The following RDX variants were observed in gnomAD, a reference collection of about 807,000 sequenced individuals.
RDX encodes the protein radixin, also known as deafness, autosomal recessive 24.
A neutral mutation model predicts 83.7 loss-of-function variants in RDX; 32 were observed. The observed-to-expected ratio is 0.38, with a 90% CI of 0.29 to 0.51. The LOEUF (loss-of-function observed/expected upper bound fraction) is 0.51, where lower values mean the gene tolerates loss of function less well. Among genes scored for constraint, RDX ranks in the 20% least tolerant of loss-of-function variants. The probability of loss-of-function intolerance (pLI) is 0.87; values close to 1 mark genes in which losing one functional copy is unlikely to be tolerated. For synonymous variants in RDX, 229 were observed against 222.7 expected (o/e 1.03, Z -0.25); for missense variants, 600 against 689.9 (o/e 0.87, Z 1.46).
downstream of RDX, among the ~76,000 whole-genome samples, chr11:110,227,480 T>G (rs1043742721): frequency 6.6e-6 from 1 of 152,020 alleles, no homozygotes; most frequent in Non-Finnish European, 1.5e-5. Flanking sequence ...ACAATTAGAA[T>G]AGGGTGGTAA....
At chr11:110,275,782 CTT>C (rs36018441) in intron 2 of RDX, among the ~76,000 whole-genome samples, 4,112 of 117,112 alleles carry the variant, frequency 0.035, 101 homozygotes, top group African/African-American at 0.13. Context: ...TTTTACCATC[CTT>C]TTTTTTTTTT....
At chr11:110,242,520 G>C (rs552367646) in intron 10 of RDX, among the ~76,000 whole-genome samples, 74 of 149,902 alleles carry the variant, frequency 4.9e-4, no homozygotes, top group African/African-American at 1.7e-3. Context: ...AATTGTTTCT[G>C]TATTATGAGA....
At chr11:110,249,391 T>C (rs1308223251) in intron 9 of RDX, among the ~76,000 whole-genome samples, 1 of 152,178 alleles carries the variant, frequency 6.6e-6, no homozygotes, top group African/African-American at 2.4e-5. Context: ...TTTATAAACC[T>C]ACATTTTAAA....
intron 7 of RDX, among the ~76,000 whole-genome samples, chr11:110,257,345 A>G (rs1859586835): frequency 6.6e-6 from 1 of 152,066 alleles, no homozygotes; most frequent in Non-Finnish European, 1.5e-5. Context: ...AAAATCCTCT[A>G]AGATGTGATA....
At chr11:110,189,453 C>G (rs1237688044) in intron 15 of RDX, among the ~76,000 whole-genome samples, 1 of 151,996 alleles carries the variant, frequency 6.6e-6, no homozygotes, top group Non-Finnish European at 1.5e-5. Context: ...ATTAGATCAT[C>G]AAGGCAGAAA....
intron 9 of RDX, among the ~76,000 whole-genome samples, chr11:110,249,320 T>C (rs1859236829): frequency 6.6e-6 from 1 of 152,204 alleles, no homozygotes; most frequent in South Asian, 2.1e-4. Flanking sequence ...CTGTAGTTTC[T>C]CAACTTGCAG....
chr11:110,228,184 C>CT (rs1369585874), downstream of RDX, among the ~76,000 whole-genome samples: 2 of 151,988 alleles, frequency 1.3e-5, no homozygotes, highest in East Asian at 3.8e-4. Context: ...ATGTGTTAAT[C>CT]TTTAACATAT....
At chr11:110,267,112 C>T (rs1342872719) in intron 3 of RDX, among the ~76,000 whole-genome samples, 7 of 152,124 alleles carry the variant, frequency 4.6e-5, no homozygotes, top group Admixed American at 1.3e-4. Flanking sequence ...CTATGTTGCC[C>T]AGGCTGGTCT....
chr11:110,257,471 A>G (rs1295629447), intron 7 of RDX, among the ~76,000 whole-genome samples: 1 of 152,134 alleles, frequency 6.6e-6, no homozygotes, highest in Non-Finnish European at 1.5e-5. Context: ...CTATCGAGGG[A>G]GCAAATTTTA....
intron 14 of RDX, among the ~76,000 whole-genome samples, chr11:110,216,837 A>G (rs948451490): frequency 2.0e-5 from 3 of 152,164 alleles, no homozygotes; most frequent in African/African-American, 4.8e-5. Context: ...GTATAATCTG[A>G]AAGACTTCAC....
Position 110,233,447 on chromosome 11 carries a change from G to A in RDX, c.1377C>T (p.Thr459=). Residue 459 remains threonine, a synonymous_variant, in exon 13 of 14, where the codon ACC becomes ACT. Coordinates refer to ENST00000645495, the MANE Select transcript of RDX (RefSeq NM_002906.4). The part of the protein sequence containing the change: ...AFAAQEDLEK[T]KEELKTVMSA... ...ACATCACAGTTTTTAACTCTTCTTT[G>A]GTCTTTTCCAAGTCTTCCTGGGCTG... 1.2e-6 allele frequency: 2 copies of A among 1,613,870 alleles called. No individual in the cohort carries two copies. Among genetic ancestry groups the A allele is most frequent in the Non-Finnish European group, 1.7e-6 (2 of 1,179,966 alleles).
intron 1 of RDX, chr11:110,287,286 C>T (rs1464577858): frequency 1.3e-5 from 2 of 152,096 alleles, no homozygotes; most frequent in African/African-American, 4.8e-5. Flanking sequence ...CACTTGAACC[C>T]AGGAGTGATG....
intron 14 of RDX, among the ~76,000 whole-genome samples, chr11:110,204,585 C>T (rs532639103): frequency 7.1e-6 from 1 of 141,106 alleles, no homozygotes; most frequent in African/African-American, 2.6e-5. Flanking sequence ...GGCGCAAACT[C>T]GGCTCACTGC....
At chr11:110,220,158 T>C (rs1864195635) in intron 14 of RDX, among the ~76,000 whole-genome samples, 1 of 152,170 alleles carries the variant, frequency 6.6e-6, no homozygotes. Context: ...AAGAGAATCA[T>C]AACTAGAATC....
intron 10 of RDX, among the ~76,000 whole-genome samples, chr11:110,239,439 A>G (rs1403959293): frequency 1.3e-5 from 2 of 152,246 alleles, no homozygotes; most frequent in African/African-American, 4.8e-5. Context: ...TGTCTATCTA[A>G]AAAAGGACGA....
intron 7 of RDX, among the ~76,000 whole-genome samples, chr11:110,257,402 T>C (rs1183388412): frequency 6.6e-6 from 1 of 152,128 alleles, no homozygotes; most frequent in African/African-American, 2.4e-5. Context: ...ATTTCTTATG[T>C]ATGTTCAATT....
At chr11:110,249,237 C>G (rs891626769) in intron 9 of RDX, among the ~76,000 whole-genome samples, 1 of 152,180 alleles carries the variant, frequency 6.6e-6, no homozygotes, top group Non-Finnish European at 1.5e-5. Flanking sequence ...TGAAATTTAT[C>G]TGAGTATGCT....
At chr11:110,176,253 G>A (rs181440439) in intron 15 of RDX, among the ~76,000 whole-genome samples, 22 of 151,988 alleles carry the variant, frequency 1.4e-4, no homozygotes, top group Admixed American at 1.1e-3. Flanking sequence ...TAGTAGAGAC[G>A]GGGTTTCACC....
chr11:110,256,209 G>A (rs547976698), intron 7 of RDX, among the ~76,000 whole-genome samples: 1 of 152,246 alleles, frequency 6.6e-6, no homozygotes, highest in African/African-American at 2.4e-5. Flanking sequence ...ACATCTTTTA[G>A]CCAGGCTTCT....
Sources: gnomAD v4.1 joint callset for allele counts (sites outside exome capture counted in the v4.1 genomes callset) on GRCh38, gnomAD v4.1.1 for gene constraint, MANE v1.5 for transcripts, NCBI Gene and HGNC (gene_info 2026-07-23, HGNC 2026-07-21) for gene names.